STK33: variants seen among roughly 807,000 people sequenced by gnomAD.
STK33 encodes the protein serine/threonine-protein kinase 33.
Under a neutral mutation model 58.0 loss-of-function variants are expected in STK33, and 52 were observed. The ratio of observed to expected loss-of-function variants is 0.90; its 90% CI spans 0.72 to 1.13. The LOEUF is 1.13. Among genes scored for constraint, STK33 ranks in the 50% most tolerant of loss-of-function variants. The probability of loss-of-function intolerance (pLI) is 0.00; values close to 1 mark genes in which losing one functional copy is unlikely to be tolerated. For missense variants in STK33, 630 were observed against 604.2 expected, an observed-to-expected ratio of 1.04 and a Z score of -0.45; for synonymous variants, 215 against 200.1, an observed-to-expected ratio of 1.07 and a Z score of -0.63.
intron 1 of STK33, among the ~76,000 whole-genome samples, chr11:8,580,197 C>G (rs946442874): frequency 6.6e-6 from 1 of 151,946 alleles, no homozygotes; most frequent in Non-Finnish European, 1.5e-5. Context: ...TCACAATAGC[C>G]AAGATTTGGG....
intron 1 of STK33, among the ~76,000 whole-genome samples, chr11:8,485,468 C>T (rs1365800497): frequency 2.0e-5 from 3 of 152,176 alleles, no homozygotes; most frequent in African/African-American, 7.2e-5. Context: ...GGACTTTAGT[C>T]AGATATTCCA....
chr11:8,475,135 A>C, intron 4 of STK33, 69 bp from the exon 5 acceptor site: 1 of 420,794 alleles, frequency 2.4e-6, no homozygotes, highest in Non-Finnish European at 4.2e-6. Flanking sequence ...AATCAGAGAA[A>C]AGCTAGCAAC....
chr11:8,377,089 G>A, the STK33 span, among the ~76,000 whole-genome samples: 4 of 152,204 alleles, frequency 2.6e-5, no homozygotes, highest in African/African-American at 7.2e-5. Context: ...CCACTAACTC[G>A]ACAGTGCCCC....
downstream of STK33, among the ~76,000 whole-genome samples, chr11:8,390,209 T>G (rs1848600627): frequency 6.6e-6 from 1 of 152,220 alleles, no homozygotes; most frequent in African/African-American, 2.4e-5. Flanking sequence ...TTTGCCTGCC[T>G]TATCTGTCAC....
intron 1 of STK33, among the ~76,000 whole-genome samples, chr11:8,572,387 C>T (rs137992207): frequency 3.3e-5 from 5 of 152,210 alleles, no homozygotes; most frequent in South Asian, 2.1e-4. Flanking sequence ...CAGAACAAAG[C>T]GAACACTATT....
At chr11:8,402,478 G>A (rs569676338) in intron 15 of STK33, among the ~76,000 whole-genome samples, 4 of 152,304 alleles carry the variant, frequency 2.6e-5, no homozygotes, top group South Asian at 4.2e-4. Context: ...GGTGGGGGCA[G>A]CGAGGAGGGA....
In STK33 at chr11:8,434,630, T is replaced by C. The variant is rs532417171; in HGVS notation, c.1146+864A>G. On this transcript the variant is annotated intron_variant, in intron 14 of 15. Transcript: ENST00000687296. Reference sequence around the variant, plus strand: ...CACATGGCAGCTCTGTGAGCTATTATGGTTCCTTGCATCTTGTTGCTCTGC... The same window carrying C: ...CACATGGCAGCTCTGTGAGCTATTACGGTTCCTTGCATCTTGTTGCTCTGC... Among the ~76,000 whole-genome samples the C allele has an allele frequency of 1.8e-3, 269 of 152,334 alleles. 1 individual carries two copies. Among genetic ancestry groups the C allele is most frequent in the African/African-American group, 6.3e-3 (261 of 41,578 alleles).
chr11:8,543,928 C>T (rs1335393882), intron 1 of STK33, among the ~76,000 whole-genome samples: 1 of 152,088 alleles, frequency 6.6e-6, no homozygotes, highest in Non-Finnish European at 1.5e-5. Context: ...GTGAGAAATG[C>T]AACTAGAAAA....
chr11:8,466,903 C>G (rs923822113), intron 6 of STK33: 2 of 152,266 alleles, frequency 1.3e-5, no homozygotes, highest in Non-Finnish European at 2.9e-5. Flanking sequence ...AGACTCAACA[C>G]CACATTAAAG....
Position 8,474,791 on chromosome 11 carries a change from C to G in STK33, c.115G>C (p.Val39Leu). ...SSKTRVPPVL[V>L]VEMSQTSSIG... is the part of the protein sequence containing the mutation. ...CTTGATGTCTGTGACATTTCCACCA[C>G]CAAAACTGGAGGAACCCTTGTTTTG... is the stretch of plus-strand genomic sequence containing the variant. The change falls in exon 5 of 16, where the codon GTG (valine) becomes CTG (leucine). Residue 39 changes from valine (V) to leucine (L), a missense_variant. Transcript: ENST00000687296. 6.2e-7 allele frequency: 1 copy of G among 1,613,356 alleles called. No homozygotes were observed. Among genetic ancestry groups the G allele is most frequent in the Non-Finnish European group, 8.5e-7 (1 of 1,179,708 alleles).
chr11:8,521,870 G>GA (rs1228956161), intron 1 of STK33, among the ~76,000 whole-genome samples: 1 of 152,054 alleles, frequency 6.6e-6, no homozygotes, highest in Non-Finnish European at 1.5e-5. Context: ...ATAGACACAT[G>GA]AAAAAAATCT....
At chr11:8,579,205 G>A (rs1958392257) in intron 1 of STK33, among the ~76,000 whole-genome samples, 1 of 151,974 alleles carries the variant, frequency 6.6e-6, no homozygotes, top group South Asian at 2.1e-4. Flanking sequence ...TAGGGATTTT[G>A]TGAGCAATTA....
intron 1 of STK33, among the ~76,000 whole-genome samples, chr11:8,574,352 A>G (rs1958033179): frequency 6.6e-6 from 1 of 152,206 alleles, no homozygotes; most frequent in African/African-American, 2.4e-5. Context: ...CTGTGTATTT[A>G]TTTGAAACAT....
At chr11:8,553,693 CA>C in intron 1 of STK33, among the ~76,000 whole-genome samples, 1 of 152,062 alleles carries the variant, frequency 6.6e-6, no homozygotes, top group East Asian at 1.9e-4. Context: ...GCCAAGAACA[CA>C]CAATGGGAAA....
intron 11 of STK33, among the ~76,000 whole-genome samples, chr11:8,444,418 T>C (rs1945151486): frequency 1.3e-5 from 2 of 152,170 alleles, no homozygotes; most frequent in African/African-American, 4.8e-5. Context: ...GCCACAAGAA[T>C]GTTAAGTTCC....
rs530940609 is a variant in STK33 at position 8,398,378 on chromosome 11, G to A, written c.1345-5668C>T. Among the ~76,000 whole-genome samples the A allele has an allele frequency of 2.7e-3, 417 of 152,244 alleles. 3 individuals carry two copies. Among genetic ancestry groups the A allele is most frequent in the Non-Finnish European group, 3.8e-3 (261 of 68,026 alleles). On this transcript the variant is annotated intron_variant, in intron 15 of 15. Coordinates refer to ENST00000687296, the MANE Select transcript of STK33 (RefSeq NM_001352389.2). ...GCCAAACTAAGTTTCATAAGTGAAA[G>A]AGAAATAAAATCCTTCACAGACAAG...
intron 1 of STK33, among the ~76,000 whole-genome samples, chr11:8,535,362 G>C (rs1954913762): frequency 6.6e-6 from 1 of 151,908 alleles, no homozygotes; most frequent in Non-Finnish European, 1.5e-5. Flanking sequence ...CTAATATCCA[G>C]AATATACAAG....
At chr11:8,397,651 T>C (rs1317857874) in intron 15 of STK33, among the ~76,000 whole-genome samples, 1 of 151,898 alleles carries the variant, frequency 6.6e-6, no homozygotes, top group Non-Finnish European at 1.5e-5. Flanking sequence ...CTTTAGATGA[T>C]CAAACTACTC....
intron 14 of STK33, 76 bp downstream of exon 14, chr11:8,435,418 G>A: frequency 1.2e-6 from 1 of 817,732 alleles, no homozygotes; most frequent in Non-Finnish European, 1.7e-6. Flanking sequence ...AGACTATGAA[G>A]AAAACTCCAA....
Sources: allele counts gnomAD v4.1 joint callset (sites outside exome capture counted in the v4.1 genomes callset), GRCh38; gene constraint gnomAD v4.1.1; transcripts MANE v1.5; gene names NCBI Gene and HGNC (gene_info 2026-07-23, HGNC 2026-07-21).